JAKMIP3: variants seen among roughly 807,000 people sequenced by gnomAD.
JAKMIP3 encodes the protein janus kinase and microtubule-interacting protein 3.
A neutral mutation model predicts 118.5 loss-of-function variants in JAKMIP3; 58 were observed. The observed-to-expected ratio is 0.49, with a 90% CI of 0.40 to 0.61. JAKMIP3 has a LOEUF of 0.61. Ranked by LOEUF, JAKMIP3 falls within the 20% of genes least tolerant of loss-of-function variation. JAKMIP3 has a pLI of 0.00. For missense variants in JAKMIP3, 950 were observed against 1,109.0 expected (o/e 0.86, Z 2.04); for synonymous variants, 486 against 451.2 (o/e 1.08, Z -0.98).
At chr10:132,151,655 G>T (rs2056238064) in intron 16 of JAKMIP3, among the ~76,000 whole-genome samples, 2 of 152,214 alleles carry the variant, frequency 1.3e-5, no homozygotes, top group African/African-American at 4.8e-5. Flanking sequence ...ACTGCCCAGG[G>T]TCACAGAGCT....
chr10:132,061,380 G>A (rs892803953), upstream of JAKMIP3, among the ~76,000 whole-genome samples: 1 of 152,212 alleles, frequency 6.6e-6, no homozygotes, highest in Non-Finnish European at 1.5e-5. Flanking sequence ...TTTCGTTGAA[G>A]ACATAAAAGA....
At chr10:132,153,047 C>A in intron 17 of JAKMIP3, 24 bp downstream of exon 17, 1 of 1,586,102 alleles carries the variant, frequency 6.3e-7, no homozygotes, top group South Asian at 1.1e-5. Flanking sequence ...TGTGGACAGT[C>A]GGGAGAGGGC....
At chr10:132,060,804 G>A (rs1367908864), upstream of JAKMIP3, among the ~76,000 whole-genome samples, 1 of 152,230 alleles carries the variant, frequency 6.6e-6, no homozygotes, top group Non-Finnish European at 1.5e-5. Context: ...TGGATCACTT[G>A]AGGTCAGGAG....
intron 1 of JAKMIP3, among the ~76,000 whole-genome samples, chr10:132,055,534 A>G (rs2038214552): frequency 6.6e-6 from 1 of 152,220 alleles, no homozygotes; most frequent in African/African-American, 2.4e-5. Flanking sequence ...CCATGATGAA[A>G]TGGGATTGGG....
chr10:132,040,937 C>A (rs772787530), intron 1 of JAKMIP3, among the ~76,000 whole-genome samples: 1 of 152,152 alleles, frequency 6.6e-6, no homozygotes, highest in South Asian at 2.1e-4. Context: ...ATGCAGTACT[C>A]GATTTTCTGT....
chr10:132,053,169 G>A (rs76100779), intron 1 of JAKMIP3, among the ~76,000 whole-genome samples: 10,568 of 152,200 alleles, frequency 0.069, 381 homozygotes, highest in African/African-American at 0.082. Context: ...TTCAAGCCCC[G>A]GTTTCAGTCT....
Position 132,180,576 on chromosome 10 carries a change from T to TGCGC in JAKMIP3, c.*1104-1780_*1104-1779insCGCG, listed in dbSNP as rs1435530363. Among the ~76,000 whole-genome samples the TGCGC allele has an allele frequency of 8.0e-4, 16 of 19,916 alleles. 4 individuals carry two copies. Among genetic ancestry groups the TGCGC allele is most frequent in the African/African-American group, 5.1e-3 (16 of 3,120 alleles). 13.1% of individuals were successfully genotyped at this position (19,916 alleles called of 152,430 possible). ...GTGCATGCGTGTGTGTGCGTGTGTG[T>TGCGC]GTGCGTGCGCGTGTGTGTGTGCGTG... is the stretch of plus-strand genomic sequence containing the variant. On this transcript the variant is annotated intron_variant, in intron 23 of 23. Transcript: ENST00000684848.
intron 1 of JAKMIP3, among the ~76,000 whole-genome samples, chr10:132,071,900 T>C (rs796136172): frequency 2.4e-5 from 1 of 42,458 alleles, no homozygotes; most frequent in East Asian, 4.4e-4. Flanking sequence ...TTCCTTTCTT[T>C]CTTCCCTTCC....
intron 1 of JAKMIP3, among the ~76,000 whole-genome samples, chr10:132,037,602 G>A (rs2037553984): frequency 1.3e-5 from 2 of 152,186 alleles, no homozygotes; most frequent in South Asian, 4.1e-4. Flanking sequence ...ACCCCTGCTG[G>A]ATTTGGTGGT....
intron 20 of JAKMIP3, among the ~76,000 whole-genome samples, 188 bp from the exon 21 acceptor site, chr10:132,164,482 C>A (rs1304303714): frequency 6.6e-6 from 1 of 152,240 alleles, no homozygotes; most frequent in African/African-American, 2.4e-5. Flanking sequence ...TGTGGCATGG[C>A]GAAGACCCTC....
Position 132,149,558 on chromosome 10 carries a change from C to CCGCCCCACCCCCTCCCTGCCCT in JAKMIP3, c.1947+62_1947+63insCCTGCCCTCGCCCCACCCCCTC. The CCGCCCCACCCCCTCCCTGCCCT allele has an allele frequency of 3.6e-6, 3 of 843,562 alleles. 1 individual carries two copies. The South Asian group carries it at 5.5e-5, about 15-fold the overall frequency. The allele number at this position is 843,562 out of a possible 1,614,324, so 52.3% of individuals were successfully genotyped here. ...ACTCCGCCCCCACCTCACCCATCCC[C>CCGCCCCACCCCCTCCCTGCCCT]CGCCCCACCCCCTCTCCGCCCCCGC... is the stretch of plus-strand genomic sequence containing the variant. On this transcript the variant is annotated intron_variant, in intron 15 of 23. Transcript: ENST00000684848.
chr10:132,056,794 C>A (rs1038567952), intron 1 of JAKMIP3, among the ~76,000 whole-genome samples: 1 of 152,218 alleles, frequency 6.6e-6, no homozygotes, highest in Admixed American at 6.5e-5. Context: ...ATGCCAGGGG[C>A]ATCGCCACCC....
chr10:132,098,283 T>G (rs2044304957), intron 1 of JAKMIP3, among the ~76,000 whole-genome samples: 1 of 152,010 alleles, frequency 6.6e-6, no homozygotes, highest in Admixed American at 6.6e-5. Context: ...CTTAGCCTCT[T>G]AAGGTGCTGG....
rs1564951094 is a variant in JAKMIP3 at position 132,140,538 on chromosome 10, A to G, written c.1432A>G (p.Thr478Ala). The G allele has an allele frequency of 1.2e-6, 2 of 1,612,962 alleles. No individual in the cohort carries two copies. The highest frequency in any genetic ancestry group is 1.7e-6 in the Non-Finnish European group (2 of 1,179,668). Residue 478 changes from threonine (T) to alanine (A), a missense_variant, in exon 10 of 24, where the codon ACG becomes GCG. Physicochemically the swap from Thr to Ala is moderately conservative, Grantham distance 58 (BLOSUM62 0). Coordinates refer to ENST00000684848, the MANE Select transcript of JAKMIP3 (RefSeq NM_001323087.2). ...GSSVSYQTDR[T>A]DQTPCTPDDD... ...CTCCGTCTCTTACCAAACAGACAGG[A>G]CGGACCAGACCCCGTGCACCCCGGA...
At chr10:132,059,466 C>T (rs759629611) in intron 1 of JAKMIP3, among the ~76,000 whole-genome samples, 2 of 152,260 alleles carry the variant, frequency 1.3e-5, no homozygotes, top group Non-Finnish European at 1.5e-5. Flanking sequence ...CAGAGCCTGG[C>T]GTGGTGACCA....
At position 132,149,423 on chromosome 10, in the gene JAKMIP3, G is replaced by A. The variant is rs1389479835; in HGVS notation, c.1860G>A (p.Arg620=). ...TCCCTCTGTCCTAGGAGAGGGAGAG[G>A]AAGTCACCCGCCATCAGCTTCCACC... ...FRILELEERE[R]KSPAISFHHT... The change falls in exon 15 of 24, where the codon AGG becomes AGA. Residue 620 remains arginine, a synonymous_variant. Transcript: ENST00000684848. The A allele has an allele frequency of 1.2e-6, 2 of 1,601,210 alleles. No homozygotes were observed. The highest frequency in any genetic ancestry group is 2.7e-5 in the African/African-American group (2 of 74,532).
chr10:132,096,173 C>T (rs77723099), intron 1 of JAKMIP3, among the ~76,000 whole-genome samples: 9 of 152,208 alleles, frequency 5.9e-5, no homozygotes, highest in African/African-American at 2.2e-4. Flanking sequence ...TGGGCAGAAG[C>T]TAAGCTGTGT....
Position 132,055,923 on chromosome 10 carries a change from G to T in JAKMIP3, c.-138+19185G>T, listed in dbSNP as rs12244108. ...GATATTCTGAAGAGGAATTCCAGCT[G>T]TCATTTTCCCTGGAGCTCCCCACAG... On this transcript the variant is annotated intron_variant, in intron 1 of 23. Transcript: ENST00000657785. Among the ~76,000 whole-genome samples, 991 of 152,294 alleles carry T rather than the reference G, an allele frequency of 6.5e-3. 10 individuals carry two copies. Among genetic ancestry groups the T allele is most frequent in the African/African-American group, 0.022 (917 of 41,556 alleles).
chr10:132,082,274 G>C (rs545550919), intron 1 of JAKMIP3, among the ~76,000 whole-genome samples: 1 of 151,534 alleles, frequency 6.6e-6, no homozygotes, highest in Admixed American at 6.6e-5. Flanking sequence ...GGTGGTGTTC[G>C]GTTACATGGG....
Sources: allele counts gnomAD v4.1 joint callset (sites outside exome capture counted in the v4.1 genomes callset), GRCh38; gene constraint gnomAD v4.1.1; transcripts MANE v1.5; gene names NCBI Gene and HGNC (gene_info 2026-07-23, HGNC 2026-07-21).